Variants in TAFA2 observed in about 807,000 individuals in gnomAD.
TAFA2 encodes the protein TAFA chemokine like family member 2, also known as chemokine-like protein TAFA-2.
TAFA2 carries 7 observed loss-of-function variants against 18.8 expected under a neutral mutation model. The ratio of observed to expected loss-of-function variants is 0.37; its 90% CI spans 0.21 to 0.70. TAFA2 has a LOEUF of 0.70. Among genes scored for constraint, TAFA2 ranks in the 30% least tolerant of loss-of-function variants. The probability of loss-of-function intolerance (pLI) is 0.53; values close to 1 mark genes in which losing one functional copy is unlikely to be tolerated. For synonymous variants in TAFA2, 60 were observed against 54.2 expected, an observed-to-expected ratio of 1.11 and a Z score of -0.47; for missense variants, 122 against 158.1, an observed-to-expected ratio of 0.77 and a Z score of 1.23.
chr12:61,984,663 T>G (rs762638867), intron 1 of TAFA2, among the ~76,000 whole-genome samples: 63 of 152,326 alleles, frequency 4.1e-4, no homozygotes, highest in Admixed American at 4.6e-4. Context: ...TTATTCAGAT[T>G]TTTAATTAAA....
chr12:61,916,034 G>C (rs1351099789), intron 1 of TAFA2, among the ~76,000 whole-genome samples: 1 of 152,136 alleles, frequency 6.6e-6, no homozygotes, highest in Non-Finnish European at 1.5e-5. Flanking sequence ...TAGAGGACAT[G>C]GGTTACTTTG....
intron 1 of TAFA2, among the ~76,000 whole-genome samples, chr12:62,125,077 T>C (rs999084863): frequency 2.0e-5 from 3 of 152,098 alleles, no homozygotes; most frequent in African/African-American, 7.2e-5. Flanking sequence ...TGAACTTTCA[T>C]GTACATAGAA....
At chr12:62,232,515 C>G (rs1333808660) in intron 1 of TAFA2, among the ~76,000 whole-genome samples, 1 of 152,064 alleles carries the variant, frequency 6.6e-6, no homozygotes, top group Non-Finnish European at 1.5e-5. Context: ...GAGTCCACGT[C>G]TTTGTTTGTT....
intron 1 of TAFA2, among the ~76,000 whole-genome samples, chr12:61,874,886 T>A (rs955640518): frequency 2.0e-5 from 3 of 152,052 alleles, no homozygotes; most frequent in African/African-American, 7.2e-5. Context: ...AAAATGGGAA[T>A]GTTGTCTATT....
intron 1 of TAFA2, among the ~76,000 whole-genome samples, chr12:62,054,552 G>T (rs961899606): frequency 2.8e-4 from 43 of 152,306 alleles, no homozygotes; most frequent in African/African-American, 9.9e-4. Context: ...ATATTTTAAT[G>T]TGAATTACAT....
chr12:62,189,720 T>C (rs945964375), intron 1 of TAFA2, among the ~76,000 whole-genome samples: 1 of 152,246 alleles, frequency 6.6e-6, no homozygotes, highest in South Asian at 2.1e-4. Flanking sequence ...AATTAATTGT[T>C]CATTTGTCTT....
intron 1 of TAFA2, among the ~76,000 whole-genome samples, chr12:62,060,085 T>C (rs1292685741): frequency 6.6e-6 from 1 of 152,202 alleles, no homozygotes; most frequent in Non-Finnish European, 1.5e-5. Context: ...CTTGCTTTCT[T>C]GCACAATGGA....
intron 1 of TAFA2, among the ~76,000 whole-genome samples, chr12:62,149,259 GT>G (rs1053861667): frequency 5.9e-5 from 9 of 152,244 alleles, no homozygotes; most frequent in African/African-American, 2.2e-4. Flanking sequence ...TCCAGGTCCT[GT>G]TCAATGGTGT....
intron 2 of TAFA2, among the ~76,000 whole-genome samples, chr12:61,839,792 G>A (rs556356234): frequency 6.6e-6 from 1 of 152,092 alleles, no homozygotes; most frequent in East Asian, 1.9e-4. Context: ...CTTGGGCAAA[G>A]GGATCATTAG....
chr12:61,742,900 T>A (rs1219249336), intron 4 of TAFA2, among the ~76,000 whole-genome samples: 2 of 151,990 alleles, frequency 1.3e-5, no homozygotes, highest in African/African-American at 4.8e-5. Flanking sequence ...TTCAGGCCCA[T>A]TAACTCATAC....
intron 1 of TAFA2, among the ~76,000 whole-genome samples, chr12:62,148,544 G>A (rs889690745): frequency 2.0e-5 from 3 of 152,116 alleles, no homozygotes; most frequent in African/African-American, 4.8e-5. Context: ...GATTCCAAAA[G>A]AGGGGAAGGA....
chr12:61,779,115 T>C (rs921794210), intron 2 of TAFA2, among the ~76,000 whole-genome samples: 2 of 151,908 alleles, frequency 1.3e-5, no homozygotes, highest in African/African-American at 4.8e-5. Context: ...TGTAAAGCTG[T>C]GTGTTCACTG....
chr12:62,215,579 A>AAG (rs1555198718), intron 1 of TAFA2, among the ~76,000 whole-genome samples: 6 of 122,902 alleles, frequency 4.9e-5, no homozygotes, highest in Non-Finnish European at 8.8e-5. Context: ...AAAAAAAAAA[A>AAG]GGGGCGGAAG....
chr12:61,724,797 G>GTGTGTGTGTATACACCAGATGGGTGTATA (rs1565751053), intron 4 of TAFA2, among the ~76,000 whole-genome samples: 8 of 114,072 alleles, frequency 7.0e-5, no homozygotes, highest in Non-Finnish European at 1.4e-4. Flanking sequence ...GTGTGTGTGT[G>GTGTGTGTGTATACACCAGATGGGTGTATA]TGTGTATACA....
intron 1 of TAFA2, among the ~76,000 whole-genome samples, chr12:62,060,299 C>T (rs1228062958): frequency 1.3e-5 from 2 of 152,072 alleles, no homozygotes; most frequent in African/African-American, 4.8e-5. Flanking sequence ...CAACAATGGG[C>T]CACATAAACA....
intron 4 of TAFA2, among the ~76,000 whole-genome samples, chr12:61,741,314 A>C (rs1484251484): frequency 6.6e-6 from 1 of 151,232 alleles, no homozygotes; most frequent in Non-Finnish European, 1.5e-5. Flanking sequence ...ATGTGTCTCC[A>C]TCTCTCTTGC....
At chr12:61,775,762 T>C (rs1323632225) in intron 2 of TAFA2, among the ~76,000 whole-genome samples, 1 of 151,852 alleles carries the variant, frequency 6.6e-6, no homozygotes, top group Non-Finnish European at 1.5e-5. Context: ...CCAAAGTTAA[T>C]CCTAATGTAA....
At chr12:61,906,816 G>T (rs749168182) in intron 1 of TAFA2, among the ~76,000 whole-genome samples, 1 of 152,218 alleles carries the variant, frequency 6.6e-6, no homozygotes, top group Non-Finnish European at 1.5e-5. Context: ...GGGAACTGGA[G>T]TAAAGGTAAT....
At chr12:62,162,112 C>T (rs6581440) in intron 1 of TAFA2, among the ~76,000 whole-genome samples, 140,291 of 152,204 alleles carry the variant, frequency 0.92, 64,793 homozygotes, top group Middle Eastern at 0.96. Context: ...TTTTAAGACT[C>T]AGGAATGTCT....
Sources: allele counts gnomAD v4.1 joint callset (sites outside exome capture counted in the v4.1 genomes callset), GRCh38; gene constraint gnomAD v4.1.1; transcripts MANE v1.5; gene names NCBI Gene and HGNC (gene_info 2026-07-23, HGNC 2026-07-21).